TMEM131: variants seen among roughly 807,000 people sequenced by gnomAD.
TMEM131 encodes the protein transmembrane protein 131, also known as 2610524E03Rik.
In TMEM131, 66 loss-of-function variants were observed where a neutral mutation model predicts 211.6. The observed-to-expected ratio is 0.31, with a 90% confidence interval of 0.26 to 0.38. The LOEUF is 0.38. TMEM131 is among the 10% of genes least tolerant of loss of function. The probability of loss-of-function intolerance (pLI) is 1.00; values close to 1 mark genes in which losing one functional copy is unlikely to be tolerated. For synonymous variants in TMEM131, 844 were observed against 841.3 expected, an observed-to-expected ratio of 1.00 and a Z score of -0.06; for missense variants, 2,036 against 2,299.3, an observed-to-expected ratio of 0.89 and a Z score of 2.34.
intron 4 of TMEM131, among the ~76,000 whole-genome samples, chr2:97,878,849 TTAAAAAA>T (rs1674803082): frequency 6.6e-6 from 1 of 152,058 alleles, no homozygotes; most frequent in Admixed American, 6.6e-5. Context: ...AGTATAATAA[TTAAAAAA>T]TAATAATAAT....
At chr2:97,794,016 CAAAA>C (rs1221709834) in intron 29 of TMEM131, among the ~76,000 whole-genome samples, 2 of 96,062 alleles carry the variant, frequency 2.1e-5, no homozygotes, top group Admixed American at 2.8e-4. Flanking sequence ...AAAAAAAAAA[CAAAA>C]AACCCACAGT....
chr2:97,917,023 C>T (rs1485875962), intron 2 of TMEM131, among the ~76,000 whole-genome samples: 3 of 152,010 alleles, frequency 2.0e-5, no homozygotes, highest in Non-Finnish European at 4.4e-5. Flanking sequence ...ACTTCTAGGC[C>T]TCCTTACAAG....
intron 1 of TMEM131, among the ~76,000 whole-genome samples, chr2:97,963,700 A>C (rs922921910): frequency 1.3e-5 from 2 of 152,210 alleles, no homozygotes; most frequent in African/African-American, 4.8e-5. Context: ...GGGTGACAAG[A>C]GTGAAAACTC....
chr2:97,824,131 A>T (rs1297343196), intron 11 of TMEM131, among the ~76,000 whole-genome samples: 1 of 152,180 alleles, frequency 6.6e-6, no homozygotes. Context: ...AGGACACTTT[A>T]AAAAAGATTG....
At chr2:97,982,675 T>C (rs1354376012) in intron 1 of TMEM131, among the ~76,000 whole-genome samples, 3 of 152,164 alleles carry the variant, frequency 2.0e-5, no homozygotes, top group African/African-American at 7.2e-5. Flanking sequence ...TTACCTTACA[T>C]GGCAAAAGGA....
chr2:97,976,274 G>A (rs558093404), intron 1 of TMEM131, among the ~76,000 whole-genome samples: 1 of 152,194 alleles, frequency 6.6e-6, no homozygotes, highest in East Asian at 1.9e-4. Flanking sequence ...GATCATCTAC[G>A]TAAAAAGTCC....
At chr2:97,960,290 A>G (rs1678761273) in intron 1 of TMEM131, among the ~76,000 whole-genome samples, 1 of 152,170 alleles carries the variant, frequency 6.6e-6, no homozygotes, top group Non-Finnish European at 1.5e-5. Flanking sequence ...TTCTAATTCA[A>G]TCATTCCTTG....
chr2:97,923,619 CTT>C lies in TMEM131; in HGVS notation c.249+3805_249+3806del, dbSNP rs1272162549. 6.5e-4 allele frequency among the ~76,000 whole-genome samples: 72 copies of C among 111,000 alleles called. No individual in the cohort carries two copies. In the South Asian group the frequency reaches 9.6e-3, roughly 15 times the overall value. 72.8% of individuals were successfully genotyped at this position (111,000 alleles called of 152,430 possible). A position where few individuals can be genotyped will look rare whatever the true frequency, so the allele number is the denominator to read the frequency against. Reference sequence around the variant, plus strand: ...CATGGGTAACAGAGCAAGACACTGTCTTTTTTTTTAAAAAAAAAAAAAAAAAA... The same window carrying C: ...CATGGGTAACAGAGCAAGACACTGTCTTTTTTTAAAAAAAAAAAAAAAAAA... On this transcript the variant is annotated intron_variant, in intron 2 of 40. Transcript: ENST00000186436.
rs574606691 is a variant in TMEM131 at position 97,768,062 on chromosome 2, G to A, written c.4449-1460C>T. On this transcript the variant is annotated intron_variant, in intron 33 of 40. Coordinates refer to ENST00000186436, the MANE Select transcript of TMEM131 (RefSeq NM_015348.2). The stretch of plus-strand genomic sequence containing the variant: ...ATTTTATAAGGTGGTAGGGTCAAAG[G>A]ACATTTTCTTTTGTTTCGTTGTATT... 2.6e-4 allele frequency among the ~76,000 whole-genome samples: 34 copies of A among 129,590 alleles called. No individual in the cohort carries two copies. In the East Asian group the frequency reaches 9.8e-3, roughly 37 times the overall value. The allele number at this position is 129,590 out of a possible 152,430, so 85.0% of individuals were successfully genotyped here. A position where few individuals can be genotyped will look rare whatever the true frequency, so the allele number is the denominator to read the frequency against.
At chr2:97,794,259 T>A (rs552074687) in intron 29 of TMEM131, among the ~76,000 whole-genome samples, 1 of 151,990 alleles carries the variant, frequency 6.6e-6, no homozygotes, top group South Asian at 2.1e-4. Flanking sequence ...TGGTCTTGAA[T>A]TCCTGACCTC....
chr2:97,917,203 G>C (rs760325035), intron 2 of TMEM131, among the ~76,000 whole-genome samples: 1 of 152,092 alleles, frequency 6.6e-6, no homozygotes, highest in Non-Finnish European at 1.5e-5. Context: ...ATACTGTTAC[G>C]GCAGCTTTCA....
At chr2:97,973,260 T>C (rs563419987) in intron 1 of TMEM131, among the ~76,000 whole-genome samples, 58 of 152,342 alleles carry the variant, frequency 3.8e-4, no homozygotes, top group African/African-American at 1.3e-3. Context: ...AACTTCTACT[T>C]CTGGGCATGA....
chr2:97,809,865 T>C (rs2104955999), intron 18 of TMEM131, 91 bp from the exon 19 acceptor site: 1 of 969,288 alleles, frequency 1.0e-6, no homozygotes. Context: ...TTAACCTAAT[T>C]TTGGGACTAA....
At chr2:97,956,405 A>C (rs931894834) in intron 1 of TMEM131, among the ~76,000 whole-genome samples, 3 of 152,216 alleles carry the variant, frequency 2.0e-5, no homozygotes, top group African/African-American at 7.2e-5. Context: ...TATACAGAGA[A>C]CAATTATATT....
chr2:97,841,664 G>T, intron 7 of TMEM131, 151 bp downstream of exon 7: 1 of 674,406 alleles, frequency 1.5e-6, no homozygotes, highest in Non-Finnish European at 2.1e-6. Flanking sequence ...TCAGACTGCA[G>T]CAAGCTGTAC....
chr2:97,792,436 G>A lies in TMEM131; in HGVS notation c.4094C>T (p.Ala1365Val). The change falls in exon 31 of 41, where the codon GCC becomes GTC. Residue 1365 changes from alanine (A) to valine (V), a missense_variant. Coordinates refer to ENST00000186436, the MANE Select transcript of TMEM131 (RefSeq NM_015348.2). The part of the protein sequence containing the change: ...DKDFDHHDSP[A>V]LEVFTEQPPS... Reference sequence around the variant, plus strand: ...AGGCTGCTCTGTAAACACTTCTAGGGCTGGGGAGTCATGGTGGTCGAAGTC... The same window carrying A: ...AGGCTGCTCTGTAAACACTTCTAGGACTGGGGAGTCATGGTGGTCGAAGTC... 1.2e-6 allele frequency: 2 copies of A among 1,612,378 alleles called. No homozygotes were observed. The highest frequency in any genetic ancestry group is 1.7e-6 in the Non-Finnish European group (2 of 1,179,134).
chr2:97,772,341 T>C lies in TMEM131; in HGVS notation c.4404A>G (p.Lys1468=). 1 of 1,598,602 alleles carries C rather than the reference T, an allele frequency of 6.3e-7. No individual in the cohort carries two copies. Among genetic ancestry groups the C allele is most frequent in the Non-Finnish European group, 8.5e-7 (1 of 1,176,466 alleles). ...EMSQVKQKSK[K]LLNIKKEIPT... The stretch of plus-strand genomic sequence containing the variant: ...GGATTTCTTTCTTAATATTTAAGAG[T>C]TTTTTGCTTTTTTGCTTCACTTGAG... Residue 1468 remains lysine (K), a synonymous_variant, in exon 33 of 41, where the codon AAA becomes AAG. Coordinates refer to ENST00000186436, the MANE Select transcript of TMEM131 (RefSeq NM_015348.2).
intron 2 of TMEM131, among the ~76,000 whole-genome samples, chr2:97,910,058 G>C (rs1676230142): frequency 6.6e-6 from 1 of 152,036 alleles, no homozygotes; most frequent in Non-Finnish European, 1.5e-5. Flanking sequence ...CAAACTAAAA[G>C]GTGGGCAAAG....
chr2:97,962,739 T>C (rs1433810064), intron 1 of TMEM131, among the ~76,000 whole-genome samples: 1 of 152,210 alleles, frequency 6.6e-6, no homozygotes, highest in African/African-American at 2.4e-5. Context: ...ACTTAAACCT[T>C]CATAAAAGCT....
Sources: gnomAD v4.1 joint callset for allele counts (sites outside exome capture counted in the v4.1 genomes callset) on GRCh38, gnomAD v4.1.1 for gene constraint, MANE v1.5 for transcripts, NCBI Gene and HGNC (gene_info 2026-07-23, HGNC 2026-07-21) for gene names.